NDUFA10: variants seen among roughly 807,000 people sequenced by gnomAD.
The protein encoded by NDUFA10 is NADH:ubiquinone oxidoreductase subunit A10.
In NDUFA10, 40 loss-of-function variants were observed where a neutral mutation model predicts 47.8. The observed-to-expected ratio is 0.84, with a 90% CI of 0.65 to 1.09. The LOEUF (loss-of-function observed/expected upper bound fraction) is 1.09. NDUFA10 is among the 50% of genes least tolerant of loss of function. The pLI, the probability that NDUFA10 is intolerant of heterozygous loss-of-function variation, is 0.00. For synonymous variants in NDUFA10, 183 were observed against 172.2 expected, an observed-to-expected ratio of 1.06 and a Z score of -0.49; for missense variants, 413 against 451.1, an observed-to-expected ratio of 0.92 and a Z score of 0.76.
At chr2:239,935,413 C>T (rs1413895299) in intron 4 of NDUFA10, among the ~76,000 whole-genome samples, 1 of 152,236 alleles carries the variant, frequency 6.6e-6, no homozygotes, top group Admixed American at 6.5e-5. Context: ...GCCCTGCAGG[C>T]CGACAGGGCC....
intron 4 of NDUFA10, among the ~76,000 whole-genome samples, chr2:239,934,123 C>G (rs953139056): frequency 6.6e-6 from 1 of 152,206 alleles, no homozygotes. Flanking sequence ...AAGCAATTCT[C>G]CTGCCTTGGC....
intron 8 of NDUFA10, among the ~76,000 whole-genome samples, chr2:239,997,796 G>C (rs921534280): frequency 2.6e-5 from 4 of 152,246 alleles, no homozygotes; most frequent in Non-Finnish European, 5.9e-5. Flanking sequence ...GCTATATACA[G>C]TTTCCATCAC....
chr2:239,920,346 T>A (rs1026248898), intron 4 of NDUFA10, among the ~76,000 whole-genome samples: 4 of 152,212 alleles, frequency 2.6e-5, no homozygotes, highest in African/African-American at 9.6e-5. Context: ...CAGCCCAGAC[T>A]GACACGTGGA....
chr2:239,964,888 G>A (rs749815805), intron 9 of NDUFA10, among the ~76,000 whole-genome samples: 21 of 152,120 alleles, frequency 1.4e-4, no homozygotes, highest in African/African-American at 2.7e-4. Flanking sequence ...AAAGATCACC[G>A]AAAGGTTTTC....
intron 4 of NDUFA10, chr2:240,018,018 C>T: frequency 1.2e-6 from 1 of 853,784 alleles, no homozygotes; most frequent in Non-Finnish European, 1.9e-6. Context: ...CAAGGTCAGC[C>T]TGCTTCAAAC....
At chr2:239,951,233 G>A (rs923251276) in intron 4 of NDUFA10, among the ~76,000 whole-genome samples, 1 of 152,232 alleles carries the variant, frequency 6.6e-6, no homozygotes. Flanking sequence ...GGGACCCGGG[G>A]TGCCCACAGG....
chr2:240,017,698 C>G, intron 4 of NDUFA10: 1 of 782,680 alleles, frequency 1.3e-6, no homozygotes, highest in South Asian at 1.6e-5. Flanking sequence ...GGATCAGCCC[C>G]TATCAGAAGC....
rs181631533 is a variant in NDUFA10 at position 239,901,497 on chromosome 2, G to A, written c.295-6183C>T. On this transcript the variant is annotated intron_variant, in intron 4 of 5. Coordinates refer to the NDUFA10 transcript ENST00000419408. ...AAAAGATTCCCCTGAAAATGCTACC[G>A]CTCACCGACAATGCACCTGCCCCCC... is the stretch of plus-strand genomic sequence containing the variant. 4.0e-3 allele frequency among the ~76,000 whole-genome samples: 614 copies of A among 151,980 alleles called. 3 individuals carry two copies. Among genetic ancestry groups the A allele is most frequent in the Non-Finnish European group, 7.2e-3 (489 of 67,972 alleles).
At chr2:239,905,836 G>A (rs1488489854) in intron 4 of NDUFA10, among the ~76,000 whole-genome samples, 1 of 132,572 alleles carries the variant, frequency 7.5e-6, no homozygotes, top group African/African-American at 2.7e-5. Flanking sequence ...GACTGGGAGG[G>A]GAGGGGAGGG....
At chr2:239,943,453 G>C (rs1011978829) in intron 4 of NDUFA10, among the ~76,000 whole-genome samples, 1 of 152,186 alleles carries the variant, frequency 6.6e-6, no homozygotes. Flanking sequence ...TCCCGCCTCA[G>C]CCTCCCAAAG....
At chr2:239,924,211 T>A (rs954500546) in intron 4 of NDUFA10, among the ~76,000 whole-genome samples, 1 of 152,072 alleles carries the variant, frequency 6.6e-6, no homozygotes, top group Admixed American at 6.5e-5. Flanking sequence ...GCGACTGGTA[T>A]TACCTTAATA....
At chr2:239,989,450 C>T (rs962540429) in intron 9 of NDUFA10, among the ~76,000 whole-genome samples, 14 of 152,236 alleles carry the variant, frequency 9.2e-5, no homozygotes, top group South Asian at 2.1e-4. Flanking sequence ...ACCACTGCCG[C>T]GGATATGGAT....
rs1009924242 is a variant in NDUFA10 at position 240,017,271 on chromosome 2, G to C, written c.547+1282C>G. On this transcript the variant is annotated intron_variant, in intron 4 of 9. Transcript: ENST00000252711. ...CGAGGCGCAGCTCCTTCCTCGTGCAGCCTCATCCAGCATCATTCTCCCCCA... is the reference window on the plus strand; with the variant it reads ...CGAGGCGCAGCTCCTTCCTCGTGCACCCTCATCCAGCATCATTCTCCCCCA... Among the ~76,000 whole-genome samples the C allele has an allele frequency of 6.6e-5, 10 of 152,148 alleles. 1 individual carries two copies. The highest frequency in any genetic ancestry group is 2.1e-4 in the South Asian group (1 of 4,828).
In NDUFA10 at chr2:239,906,420, A is replaced by T. The variant is rs1256923770; in HGVS notation, c.295-11106T>A. ...CCCAGCTGACCCTTGAAATCAGAGC[A>T]ACAAGGGCTCCTGAAGCACCCCAGG... On this transcript the variant is annotated intron_variant, in intron 4 of 5. Transcript: ENST00000419408. The surrounding 1 kb of genome is among the most constrained non-coding windows in gnomAD (Gnocchi z 4.3). 1.3e-5 allele frequency among the ~76,000 whole-genome samples: 2 copies of T among 152,140 alleles called. No homozygotes were observed. The highest frequency in any genetic ancestry group is 4.8e-5 in the African/African-American group (2 of 41,424).
chr2:239,998,321 C>T (rs1696561216), intron 8 of NDUFA10, among the ~76,000 whole-genome samples: 1 of 152,252 alleles, frequency 6.6e-6, no homozygotes. Flanking sequence ...TCCCTTGCCC[C>T]TCTCTTACAA....
rs1486103975 is a variant in NDUFA10 at position 239,990,085 on chromosome 2, G to A, written c.988C>T (p.Gln330Ter). Residue 330 changes from glutamine to a stop codon, truncating the protein, a stop_gained, in exon 9 of 10, where the codon CAG becomes TAG. Coordinates refer to ENST00000252711, the MANE Select transcript of NDUFA10 (RefSeq NM_004544.4). LOFTEE classifies it high-confidence loss of function. ...GAHQTDRVLH[Q>*]FRELPGRKYS... ...TTCCACAGTCTTACCTCTCTGAACT[G>A]ATGTAAGACACGGTCAGTCTGATGA... 7 of 1,608,668 alleles carry A rather than the reference G, an allele frequency of 4.4e-6. No individual in the cohort carries two copies. In the East Asian group the frequency reaches 1.6e-4, roughly 36 times the overall value.
At chr2:239,974,328 C>G (rs1161887864) in intron 9 of NDUFA10, among the ~76,000 whole-genome samples, 1 of 152,214 alleles carries the variant, frequency 6.6e-6, no homozygotes, top group African/African-American at 2.4e-5. Context: ...GCCATCAGGA[C>G]ACTAGCCAGA....
At chr2:240,010,171 C>A (rs1343553165) in intron 6 of NDUFA10, among the ~76,000 whole-genome samples, 2 of 152,070 alleles carry the variant, frequency 1.3e-5, no homozygotes, top group East Asian at 3.9e-4. Flanking sequence ...GACAAATGAC[C>A]CCTACATCAA....
chr2:239,962,838 G>A (rs1474931840), intron 9 of NDUFA10, among the ~76,000 whole-genome samples: 1 of 152,080 alleles, frequency 6.6e-6, no homozygotes, highest in African/African-American at 2.4e-5. Flanking sequence ...CGGGTAGGGG[G>A]TGGGAGCTGC....
Sources: allele counts gnomAD v4.1 joint callset (sites outside exome capture counted in the v4.1 genomes callset), GRCh38; gene constraint gnomAD v4.1.1; non-coding constraint Gnocchi (gnomAD v3.1); transcripts MANE v1.5; gene names NCBI Gene and HGNC (gene_info 2026-07-23, HGNC 2026-07-21).